FGGY: variants seen among roughly 807,000 people sequenced by gnomAD.
FGGY encodes FGGY carbohydrate kinase domain-containing protein.
A neutral mutation model predicts 71.3 loss-of-function variants in FGGY; 72 were observed. The observed-to-expected ratio is 1.01, with a 90% CI of 0.84 to 1.23. FGGY has a LOEUF of 1.23. Among genes scored for constraint, FGGY ranks in the 50% most tolerant of loss-of-function variants. FGGY has a pLI of 0.00. For synonymous variants in FGGY, 251 were observed against 250.3 expected, an observed-to-expected ratio of 1.00 and a Z score of -0.02; for missense variants, 668 against 682.3, an observed-to-expected ratio of 0.98 and a Z score of 0.23.
chr1:59,661,782 C>T (rs535482496), intron 12 of FGGY, among the ~76,000 whole-genome samples: 6 of 151,544 alleles, frequency 4.0e-5, no homozygotes, highest in East Asian at 4.0e-4. Flanking sequence ...TAGAGTGGAG[C>T]GATCTTGGCT....
At chr1:59,536,554 G>A (rs2095320231) in intron 7 of FGGY, among the ~76,000 whole-genome samples, 2 of 152,164 alleles carry the variant, frequency 1.3e-5, no homozygotes, top group Non-Finnish European at 2.9e-5. Context: ...CAATATCCTT[G>A]ATGAACACTG....
chr1:59,556,847 T>A (rs1013664752), intron 8 of FGGY, among the ~76,000 whole-genome samples: 2 of 152,216 alleles, frequency 1.3e-5, no homozygotes, highest in Non-Finnish European at 2.9e-5. Context: ...CTGTTTGGGC[T>A]TTAACGAGTT....
At chr1:59,675,004 C>G (rs1356807783) in intron 14 of FGGY, among the ~76,000 whole-genome samples, 1 of 152,170 alleles carries the variant, frequency 6.6e-6, no homozygotes, top group South Asian at 2.1e-4. Flanking sequence ...ATCGTGAGTT[C>G]TGTGTGTCAA....
At chr1:59,410,995 G>A (rs2063527697) in intron 5 of FGGY, among the ~76,000 whole-genome samples, 1 of 152,212 alleles carries the variant, frequency 6.6e-6, no homozygotes, top group African/African-American at 2.4e-5. Context: ...CATAATCACT[G>A]TATAACTATC....
intron 14 of FGGY, among the ~76,000 whole-genome samples, chr1:59,732,386 A>G (rs2098044101): frequency 1.3e-5 from 2 of 152,296 alleles, no homozygotes; most frequent in South Asian, 4.1e-4. Flanking sequence ...AATTAGAGGC[A>G]TTGACACTAA....
At chr1:59,664,187 T>C (rs1314136456) in intron 12 of FGGY, among the ~76,000 whole-genome samples, 1 of 152,222 alleles carries the variant, frequency 6.6e-6, no homozygotes, top group East Asian at 1.9e-4. Context: ...CCCAGTGGAA[T>C]AGCCTAATTT....
At chr1:59,350,633 G>A (rs1433533640) in intron 4 of FGGY, among the ~76,000 whole-genome samples, 1 of 152,144 alleles carries the variant, frequency 6.6e-6, no homozygotes, top group East Asian at 1.9e-4. Flanking sequence ...TTGGTGATAG[G>A]GATTGGTTGA....
intron 7 of FGGY, among the ~76,000 whole-genome samples, chr1:59,541,738 A>G (rs1369816810): frequency 2.0e-5 from 3 of 152,210 alleles, no homozygotes; most frequent in African/African-American, 4.8e-5. Flanking sequence ...GTGTACTTCA[A>G]TGTACCAAAA....
chr1:59,474,755 A>G (rs990327584), intron 6 of FGGY, among the ~76,000 whole-genome samples: 1 of 152,242 alleles, frequency 6.6e-6, no homozygotes, highest in African/African-American at 2.4e-5. Context: ...TAGATAAACG[A>G]GAATAAATAA....
At chr1:59,413,935 T>A (rs899011170) in intron 5 of FGGY, among the ~76,000 whole-genome samples, 1 of 152,206 alleles carries the variant, frequency 6.6e-6, no homozygotes, top group Non-Finnish European at 1.5e-5. Flanking sequence ...TGCTCCAGCC[T>A]GGGCAATAGA....
At chr1:59,679,395 T>G (rs2097472278) in intron 14 of FGGY, among the ~76,000 whole-genome samples, 1 of 152,180 alleles carries the variant, frequency 6.6e-6, no homozygotes, top group Admixed American at 6.5e-5. Flanking sequence ...TTATCATTAT[T>G]TTAGTTTCCA....
At chr1:59,757,593 G>C (rs1023030371) in intron 14 of FGGY, among the ~76,000 whole-genome samples, 1 of 152,196 alleles carries the variant, frequency 6.6e-6, no homozygotes, top group African/African-American at 2.4e-5. Flanking sequence ...CCTGTGTCCA[G>C]ATAGTGAGGA....
intron 7 of FGGY, among the ~76,000 whole-genome samples, chr1:59,535,107 C>T (rs1221845328): frequency 2.0e-5 from 3 of 152,128 alleles, no homozygotes; most frequent in African/African-American, 2.4e-5. Context: ...CAGAGACACA[C>T]ATAGACTCAA....
chr1:59,469,541 G>T (rs746207613), intron 6 of FGGY, among the ~76,000 whole-genome samples: 4 of 152,096 alleles, frequency 2.6e-5, no homozygotes, highest in Non-Finnish European at 4.4e-5. Flanking sequence ...TGTCATAATG[G>T]CAATGAAATT....
Position 59,667,488 on chromosome 1 carries a change from G to T in FGGY, c.1417+85G>T, listed in dbSNP as rs374816062. On this transcript the variant is annotated intron_variant, in intron 13 of 15. Coordinates refer to ENST00000303721, the MANE Select transcript of FGGY (RefSeq NM_018291.5). ...CAAGTTCTGGGTGAAGTGAGAATAG[G>T]AGGATATATGCGGTATGCCAGATTA... 30 of 1,478,264 alleles carry T rather than the reference G, an allele frequency of 2.0e-5. 1 individual carries two copies. The African/African-American group carries it at 3.9e-4, about 19-fold the overall frequency. 91.6% of individuals were successfully genotyped at this position (1,478,264 alleles called of 1,614,324 possible).
intron 8 of FGGY, among the ~76,000 whole-genome samples, chr1:59,580,820 C>G (rs773583309): frequency 5.3e-5 from 8 of 152,132 alleles, no homozygotes; most frequent in Admixed American, 6.5e-5. Context: ...ATATGTTATT[C>G]ATTTTCTTCA....
chr1:59,403,143 A>C (rs1402166985), intron 5 of FGGY, among the ~76,000 whole-genome samples: 1 of 152,210 alleles, frequency 6.6e-6, no homozygotes, highest in Non-Finnish European at 1.5e-5. Context: ...AGAAGCTATG[A>C]GTTACCAGTG....
intron 8 of FGGY, among the ~76,000 whole-genome samples, chr1:59,607,437 A>G (rs536956577): frequency 2.2e-4 from 33 of 152,332 alleles, no homozygotes; most frequent in African/African-American, 7.9e-4. Context: ...TTGAAGGGGT[A>G]GGGAGATAGA....
chr1:59,473,103 C>G (rs937361870), intron 6 of FGGY, among the ~76,000 whole-genome samples: 1 of 152,168 alleles, frequency 6.6e-6, no homozygotes, highest in Non-Finnish European at 1.5e-5. Flanking sequence ...CCCTTCCACA[C>G]TGTGGAAGCT....
Sources: gnomAD v4.1 joint callset for allele counts (sites outside exome capture counted in the v4.1 genomes callset) on GRCh38, gnomAD v4.1.1 for gene constraint, MANE v1.5 for transcripts, NCBI Gene and HGNC (gene_info 2026-07-23, HGNC 2026-07-21) for gene names.